Variants in MYO1E observed in about 807,000 individuals in gnomAD.
MYO1E encodes the protein myosin IE, also known as unconventional myosin-Ie.
Under a neutral mutation model 151.1 loss-of-function variants are expected in MYO1E, and 68 were observed. The ratio of observed to expected loss-of-function variants is 0.45; its 90% CI spans 0.37 to 0.55. The LOEUF is 0.55. MYO1E is among the 20% of genes least tolerant of loss of function. MYO1E has a pLI of 0.00. For synonymous variants in MYO1E, 601 were observed against 501.7 expected, an observed-to-expected ratio of 1.20 and a Z score of -2.64; for missense variants, 1,363 against 1,389.3, an observed-to-expected ratio of 0.98 and a Z score of 0.30.
intron 24 of MYO1E, among the ~76,000 whole-genome samples, chr15:59,158,684 G>T (rs2079521657): frequency 6.6e-6 from 1 of 152,242 alleles, no homozygotes. Flanking sequence ...AAAAGAGACA[G>T]ATGGAACATT....
intron 4 of MYO1E, among the ~76,000 whole-genome samples, chr15:59,246,156 C>T (rs532583130): frequency 6.6e-6 from 1 of 152,154 alleles, no homozygotes; most frequent in South Asian, 2.1e-4. Context: ...CTTGCTCTGT[C>T]ATCCAGGCTG....
In MYO1E at chr15:59,324,448, G is replaced by GA. The variant is rs1276837120; in HGVS notation, c.3+48049dup. Among the ~76,000 whole-genome samples the GA allele has an allele frequency of 6.6e-5, 10 of 152,224 alleles. No individual in the cohort carries two copies. In the South Asian group the frequency reaches 1.5e-3, roughly 22 times the overall value. On this transcript the variant is annotated intron_variant, in intron 1 of 27. Coordinates refer to ENST00000288235, the MANE Select transcript of MYO1E (RefSeq NM_004998.4). The stretch of plus-strand genomic sequence containing the variant: ...CTGCTTCTGGGTCTGGGTTTTAAAA[G>GA]AAAAAAATCAGGCTGTCTTTGGAGT...
Position 59,224,900 on chromosome 15 carries a change from C to T in MYO1E, c.643-77G>A. 1.9e-6 allele frequency: 3 copies of T among 1,591,790 alleles called. No homozygotes were observed. In the South Asian group the frequency reaches 3.3e-5, roughly 18 times the overall value. ...AAGTCACTCCTGCATCCTGCAGCCA[C>T]CATCCCTAAGGACTTTCTATCTCTG... On this transcript the variant is annotated intron_variant, in intron 7 of 27. Transcript: ENST00000288235.
chr15:59,161,354 A>C, intron 23 of MYO1E, 124 bp from the exon 24 acceptor site: 7 of 1,106,422 alleles, frequency 6.3e-6, no homozygotes, highest in Non-Finnish European at 8.9e-6. Flanking sequence ...GACAATCTAC[A>C]CCAGGAGCAG....
chr15:59,273,810 G>A (rs1220447683), intron 1 of MYO1E, among the ~76,000 whole-genome samples: 1 of 152,136 alleles, frequency 6.6e-6, no homozygotes, highest in East Asian at 1.9e-4. Flanking sequence ...TGGGAGTGTC[G>A]CCAGTGGGTA....
intron 10 of MYO1E, among the ~76,000 whole-genome samples, chr15:59,217,042 C>T (rs1156845421): frequency 1.3e-5 from 2 of 152,096 alleles, no homozygotes; most frequent in Admixed American, 6.5e-5. Context: ...GCCACATGGG[C>T]AATCCATCTT....
intron 1 of MYO1E, among the ~76,000 whole-genome samples, chr15:59,314,921 A>G (rs11633049): frequency 0.94 from 142,541 of 152,204 alleles, 67,316 homozygotes; most frequent in East Asian, 1. Context: ...GGGTGGCAGG[A>G]GGAATGAGGC....
Position 59,372,549 on chromosome 15 carries a change from A to C in MYO1E, c.-49T>G, listed in dbSNP as rs2080954164. On this transcript the variant is annotated 5_prime_UTR_variant, in exon 1 of 28. Transcript: ENST00000288235. Reference sequence around the variant, plus strand: ...CTTCGCCGGGTCCCGCTGCCGGGGAACTGGGGCTGGAACGCAGTCTTCTGG... The same window carrying C: ...CTTCGCCGGGTCCCGCTGCCGGGGACCTGGGGCTGGAACGCAGTCTTCTGG... 2 of 1,534,794 alleles carry C rather than the reference A, an allele frequency of 1.3e-6. No homozygotes were observed. The highest frequency in any genetic ancestry group is 2.0e-5 in the Admixed American group (1 of 50,680).
chr15:59,173,800 C>T lies in MYO1E; in HGVS notation c.2280G>A (p.Lys760=). ...EHPELQQFVG[K]REKIDFADTV... is the part of the protein sequence containing the mutation. ...TGTCTGCGAAATCAATCTTCTCCCT[C>T]TTGCCCACGAACTGCTGGAGTTCTG... Residue 760 remains lysine, a synonymous_variant, in exon 21 of 28, where the codon AAG becomes AAA. Coordinates refer to ENST00000288235, the MANE Select transcript of MYO1E (RefSeq NM_004998.4). The T allele has an allele frequency of 9.9e-6, 16 of 1,614,092 alleles. No individual in the cohort carries two copies. Among genetic ancestry groups the T allele is most frequent in the Non-Finnish European group, 1.4e-5 (16 of 1,179,950 alleles).
chr15:59,356,050 T>C (rs1208751763), intron 1 of MYO1E, among the ~76,000 whole-genome samples: 4 of 152,206 alleles, frequency 2.6e-5, no homozygotes, highest in Non-Finnish European at 4.4e-5. Context: ...TCTACACTTG[T>C]GAAAATCACT....
In MYO1E at chr15:59,135,296, C is replaced by CCAAT. The variant is rs537574352; in HGVS notation, c.*2080_*2083dup. The CCAAT allele has an allele frequency of 2.9e-4, 44 of 152,306 alleles. No homozygotes were observed. Among genetic ancestry groups the CCAAT allele is most frequent in the African/African-American group, 5.3e-4 (22 of 41,538 alleles). The allele number at this position is 152,306 out of a possible 1,614,324, so 9.4% of individuals were successfully genotyped here. A position where few individuals can be genotyped will look rare whatever the true frequency, so the allele number is the denominator to read the frequency against. ...CCCAGTTACACACAAGTGTAAAATGCCAATCAATCAATCAGGAGGAAAAAC... is the reference window on the plus strand; with the variant it reads ...CCCAGTTACACACAAGTGTAAAATGCCAATCAATCAATCAATCAGGAGGAAAAAC... On this transcript the variant is annotated 3_prime_UTR_variant, in exon 28 of 28. Transcript: ENST00000288235.
At chr15:59,349,033 T>A (rs957309570) in intron 1 of MYO1E, among the ~76,000 whole-genome samples, 5 of 152,026 alleles carry the variant, frequency 3.3e-5, no homozygotes, top group Admixed American at 1.3e-4. Context: ...CATGGACATA[T>A]GGAAGAGGAA....
intron 18 of MYO1E, among the ~76,000 whole-genome samples, chr15:59,180,735 A>G (rs2079653314): frequency 6.6e-6 from 1 of 152,018 alleles, no homozygotes; most frequent in African/African-American, 2.4e-5. Flanking sequence ...CCAACAACAC[A>G]TGTTCTCCTA....
intron 17 of MYO1E, among the ~76,000 whole-genome samples, chr15:59,190,668 C>T (rs2140327211): frequency 6.6e-6 from 1 of 152,338 alleles, no homozygotes; most frequent in Non-Finnish European, 1.5e-5. Flanking sequence ...CTCTGTGCCT[C>T]TCAGTTTCCT....
chr15:59,150,304 G>A (rs1319362596), intron 26 of MYO1E, among the ~76,000 whole-genome samples: 1 of 152,214 alleles, frequency 6.6e-6, no homozygotes, highest in Admixed American at 6.5e-5. Context: ...TCTTTAGGCT[G>A]GAGGGTGGCA....
chr15:59,195,632 G>A, intron 16 of MYO1E, 65 bp from the exon 17 acceptor site: 1 of 1,392,246 alleles, frequency 7.2e-7, no homozygotes, highest in Non-Finnish European at 1.0e-6. Context: ...TTTCAAAGGA[G>A]ACTTGTAAAA....
rs762762940 is a variant in MYO1E, at chr15:59,153,663, T to G, written c.3007A>C (p.Thr1003Pro). Residue 1003 changes from threonine (T) to proline (P), a missense_variant, in exon 26 of 28, where the codon ACC (threonine) becomes CCC (proline). Physicochemically the swap from Thr to Pro is conservative, Grantham distance 38 (BLOSUM62 -1). Transcript: ENST00000288235. ...ARPPLPRQQS[T>P]SSDRVSQTPE... is the part of the protein sequence containing the mutation. ...GTCTGTGACACTCGGTCTGAACTGG[T>G]AGACTGCTGCCGAGGCAAGGGCGGG... The G allele has an allele frequency of 1.2e-6, 2 of 1,614,044 alleles. No homozygotes were observed. Among genetic ancestry groups the G allele is most frequent in the African/African-American group, 2.7e-5 (2 of 74,892 alleles).
At chr15:59,251,960 T>C (rs7180541) in intron 4 of MYO1E, among the ~76,000 whole-genome samples, 118,156 of 152,166 alleles carry the variant, frequency 0.78, 46,488 homozygotes, top group Non-Finnish European at 0.85. Flanking sequence ...ACTAATAATA[T>C]TGGTATTGTT....
intron 19 of MYO1E, among the ~76,000 whole-genome samples, chr15:59,176,449 C>CT (rs68139054): frequency 4.6e-4 from 51 of 111,982 alleles, no homozygotes; most frequent in Middle Eastern, 4.1e-3. Flanking sequence ...TTTCTTTTTC[C>CT]TTTTTTTTTT....
Sources: allele counts gnomAD v4.1 joint callset (sites outside exome capture counted in the v4.1 genomes callset), GRCh38; gene constraint gnomAD v4.1.1; transcripts MANE v1.5; gene names NCBI Gene and HGNC (gene_info 2026-07-23, HGNC 2026-07-21).